The following ATP13A4 variants were observed in gnomAD, a reference collection of about 807,000 sequenced individuals.
ATP13A4 encodes ATPase 13A4, also known as probable cation-transporting ATPase 13A4.
A neutral mutation model predicts 142.5 loss-of-function variants in ATP13A4; 114 were observed. That is an observed-to-expected ratio of 0.80 (90% CI 0.69 to 0.93). The LOEUF is 0.93. ATP13A4 is among the 40% of genes least tolerant of loss of function. The probability of loss-of-function intolerance (pLI) is 0.00; values close to 1 mark genes in which losing one functional copy is unlikely to be tolerated. For missense variants in ATP13A4, 1,392 were observed against 1,454.0 expected (o/e 0.96, Z 0.69); for synonymous variants, 488 against 514.8 (o/e 0.95, Z 0.70).
intron 20 of ATP13A4, among the ~76,000 whole-genome samples, chr3:193,441,236 A>T (rs1390772837): frequency 6.6e-6 from 1 of 152,208 alleles, no homozygotes; most frequent in Non-Finnish European, 1.5e-5. Context: ...AATCACTGAT[A>T]CTTCAATCCT....
At chr3:193,404,320 G>A (rs780355455) in intron 29 of ATP13A4, among the ~76,000 whole-genome samples, 1 of 152,148 alleles carries the variant, frequency 6.6e-6, no homozygotes, top group Non-Finnish European at 1.5e-5. Flanking sequence ...CTTGCCTTCA[G>A]TGTTTTTTAG....
intron 27 of ATP13A4, 135 bp from the exon 28 acceptor site, chr3:193,411,205 T>C (rs922694052): frequency 8.4e-6 from 6 of 712,974 alleles, no homozygotes; most frequent in African/African-American, 7.0e-5. Flanking sequence ...ATGGAAAGTA[T>C]TCATTTCTAA....
At chr3:193,551,448 T>G (rs1723558703) in intron 1 of ATP13A4, among the ~76,000 whole-genome samples, 1 of 152,114 alleles carries the variant, frequency 6.6e-6, no homozygotes, top group Non-Finnish European at 1.5e-5. Context: ...TTCCTTTTGG[T>G]ATAACTGAAT....
At chr3:193,500,626 C>T (rs1009063516) in intron 3 of ATP13A4, among the ~76,000 whole-genome samples, 1 of 152,188 alleles carries the variant, frequency 6.6e-6, no homozygotes, top group African/African-American at 2.4e-5. Flanking sequence ...TGCTGCTGAC[C>T]TGACAGGAGG....
intron 19 of ATP13A4, 87 bp from the exon 20 acceptor site, chr3:193,441,675 A>AC: frequency 6.7e-7 from 1 of 1,481,694 alleles, no homozygotes; most frequent in Non-Finnish European, 9.4e-7. Context: ...GTTAATGAAG[A>AC]CAGACCAGGA....
intron 3 of ATP13A4, among the ~76,000 whole-genome samples, chr3:193,499,768 C>T (rs111614234): frequency 2.0e-5 from 3 of 152,158 alleles, no homozygotes; most frequent in African/African-American, 7.2e-5. Flanking sequence ...AATGTGAGGC[C>T]CCTGATCAGT....
intron 29 of ATP13A4, among the ~76,000 whole-genome samples, 176 bp from the exon 30 acceptor site, chr3:193,403,040 C>T (rs371109876): frequency 6.6e-6 from 1 of 152,222 alleles, no homozygotes; most frequent in Non-Finnish European, 1.5e-5. Context: ...GTTTCTCAAA[C>T]GTTTCTACTT....
At chr3:193,493,989 T>C (rs1210246879) in intron 3 of ATP13A4, among the ~76,000 whole-genome samples, 1 of 151,998 alleles carries the variant, frequency 6.6e-6, no homozygotes, top group Non-Finnish European at 1.5e-5. Context: ...GTAGAAATAG[T>C]TATATCAGAT....
intron 10 of ATP13A4, 30 bp downstream of exon 10, chr3:193,467,286 T>C (rs771557763): frequency 1.2e-6 from 2 of 1,613,078 alleles, no homozygotes; most frequent in East Asian, 2.2e-5. Context: ...AGTATACCAT[T>C]AAAAATAAGA....
chr3:193,514,441 C>T (rs1056050737), intron 2 of ATP13A4, among the ~76,000 whole-genome samples: 3 of 150,524 alleles, frequency 2.0e-5, no homozygotes, highest in South Asian at 2.2e-4. Context: ...CAGAGTATTC[C>T]GTGGTGTACA....
Position 193,412,163 on chromosome 3 carries a change from T to G in ATP13A4, c.3208+15A>C. ...TGATGACTTCTCACCTCTGATGCAG[T>G]ACAGTTCTACTCACAGTTTGTATAA... is the stretch of plus-strand genomic sequence containing the variant. On this transcript the variant is annotated intron_variant, in intron 27 of 29. Coordinates refer to ENST00000342695, the MANE Select transcript of ATP13A4 (RefSeq NM_032279.4). 1 of 1,583,472 alleles carries G rather than the reference T, an allele frequency of 6.3e-7. No individual in the cohort carries two copies. Among genetic ancestry groups the G allele is most frequent in the Non-Finnish European group, 8.7e-7 (1 of 1,152,114 alleles).
At chr3:193,522,120 A>G (rs1222378164) in intron 1 of ATP13A4, among the ~76,000 whole-genome samples, 1 of 152,164 alleles carries the variant, frequency 6.6e-6, no homozygotes, top group Admixed American at 6.5e-5. Context: ...GAAGTAGGCT[A>G]AACAGATGTG....
In ATP13A4 at chr3:193,448,325, G is replaced by A. The variant is rs759525764; in HGVS notation, c.2033C>T (p.Thr678Met). Residue 678 changes from threonine (T) to methionine (M), a missense_variant, in exon 18 of 30, where the codon ACG (threonine) becomes ATG (methionine). By Grantham distance (81) the Thr-to-Met change is moderately conservative. Coordinates refer to ENST00000342695, the MANE Select transcript of ATP13A4 (RefSeq NM_032279.4). ...DHHATTLTRE[T>M]VESDLIFLGL... is the part of the protein sequence containing the mutation. ...CAGAAATATCAGGTCTGATTCTACCGTCTCCCTGAAAATACATATATAGAT... is the reference window on the plus strand; with the variant it reads ...CAGAAATATCAGGTCTGATTCTACCATCTCCCTGAAAATACATATATAGAT... The A allele has an allele frequency of 2.4e-5, 38 of 1,613,572 alleles. No individual in the cohort carries two copies. Among genetic ancestry groups the A allele is most frequent in the Middle Eastern group, 1.6e-4 (1 of 6,082 alleles).
chr3:193,534,475 T>C (rs934988385), intron 1 of ATP13A4, among the ~76,000 whole-genome samples: 2 of 151,746 alleles, frequency 1.3e-5, no homozygotes, highest in Non-Finnish European at 2.9e-5. Context: ...ACTATAACAA[T>C]TACAAGCACA....
At chr3:193,424,162 T>C (rs1369147575) in intron 25 of ATP13A4, among the ~76,000 whole-genome samples, 3 of 141,966 alleles carry the variant, frequency 2.1e-5, no homozygotes, top group Non-Finnish European at 3.1e-5. Flanking sequence ...TATAAAACAC[T>C]GGTGAAAAAA....
intron 1 of ATP13A4, among the ~76,000 whole-genome samples, chr3:193,539,450 T>C (rs754872805): frequency 6.6e-6 from 1 of 152,150 alleles, no homozygotes; most frequent in Non-Finnish European, 1.5e-5. Flanking sequence ...TGGCCATGAG[T>C]TTCACAAGAG....
At chr3:193,443,408 C>A (rs1207391940) in intron 18 of ATP13A4, among the ~76,000 whole-genome samples, 1 of 152,094 alleles carries the variant, frequency 6.6e-6, no homozygotes, top group Admixed American at 6.5e-5. Context: ...GTGAGGCAGA[C>A]CCAAACATCA....
intron 25 of ATP13A4, among the ~76,000 whole-genome samples, chr3:193,420,854 C>T (rs1715369393): frequency 6.7e-6 from 1 of 148,998 alleles, no homozygotes; most frequent in Non-Finnish European, 1.5e-5. Context: ...TTTGAAATTA[C>T]CCAGTCAGAG....
chr3:193,401,292 A>C lies in ATP13A4; in HGVS notation c.*1360T>G, dbSNP rs545245266. ...AGTGTTGTCTCCTGAGGTAACAGAA[A>C]CCTGAGTCTTCCTTGTGCTGAACAA... On this transcript the variant is annotated 3_prime_UTR_variant, in exon 30 of 30. Coordinates refer to ENST00000342695, the MANE Select transcript of ATP13A4 (RefSeq NM_032279.4). Among the ~76,000 whole-genome samples the C allele has an allele frequency of 6.6e-6, 1 of 152,280 alleles. No individual in the cohort carries two copies. Among genetic ancestry groups the C allele is most frequent in the African/African-American group, 2.4e-5 (1 of 41,564 alleles).
Sources: allele counts gnomAD v4.1 joint callset (sites outside exome capture counted in the v4.1 genomes callset), GRCh38; gene constraint gnomAD v4.1.1; transcripts MANE v1.5; gene names NCBI Gene and HGNC (gene_info 2026-07-23, HGNC 2026-07-21).